Variants in SENP5 observed in about 807,000 individuals in gnomAD.
The protein encoded by SENP5 is SUMO specific peptidase 5.
In SENP5, 21 loss-of-function variants were observed where a neutral mutation model predicts 74.2. The ratio of observed to expected loss-of-function variants is 0.28; its 90% CI spans 0.20 to 0.41. The LOEUF (loss-of-function observed/expected upper bound fraction) is 0.41. Ranked by LOEUF, SENP5 falls within the 10% of genes least tolerant of loss-of-function variation. The pLI is 1.00. For synonymous variants in SENP5, 311 were observed against 312.7 expected (o/e 0.99, Z 0.06); for missense variants, 717 against 889.1 (o/e 0.81, Z 2.46).
intron 5 of SENP5, among the ~76,000 whole-genome samples, chr3:196,901,301 T>A (rs935782526): frequency 2.0e-5 from 3 of 151,968 alleles, no homozygotes; most frequent in African/African-American, 7.3e-5. Context: ...CACCTCCCCC[T>A]CCCAAAGTGC....
chr3:196,885,162 T>A lies in SENP5; in HGVS notation c.-20T>A, dbSNP rs974505292. 3.8e-6 allele frequency: 6 copies of A among 1,575,656 alleles called. No homozygotes were observed. The highest frequency in any genetic ancestry group is 5.2e-6 in the Non-Finnish European group (6 of 1,152,772). On this transcript the variant is annotated 5_prime_UTR_variant, in exon 2 of 10. Transcript: ENST00000323460. ...TCTCTTCTTTACAGCTGCATCCAGA[T>A]CTCATTATGCATCAGAAAAATGAAA...
intron 5 of SENP5, 38 bp from the exon 6 acceptor site, chr3:196,903,495 A>G (rs1714783004): frequency 6.7e-6 from 9 of 1,343,698 alleles, no homozygotes; most frequent in Non-Finnish European, 9.4e-6. Flanking sequence ...GGCACAGCCT[A>G]ATATAATCTG....
chr3:196,888,695 G>A, intron 2 of SENP5, among the ~76,000 whole-genome samples: 1 of 152,134 alleles, frequency 6.6e-6, no homozygotes, highest in East Asian at 1.9e-4. Flanking sequence ...ATATATGTGT[G>A]CATATGCATT....
chr3:196,881,842 T>C (rs1044863728), intron 1 of SENP5, among the ~76,000 whole-genome samples: 2 of 152,078 alleles, frequency 1.3e-5, no homozygotes, highest in Admixed American at 1.3e-4. Context: ...TAACACCCTG[T>C]TCTTTTTTTT....
Position 196,885,427 on chromosome 3 carries a change from C to A in SENP5, c.246C>A (p.Phe82Leu). The A allele has an allele frequency of 6.2e-7, 1 of 1,614,120 alleles. No homozygotes were observed. Among genetic ancestry groups the A allele is most frequent in the Non-Finnish European group, 8.5e-7 (1 of 1,180,028 alleles). Residue 82 changes from phenylalanine (F) to leucine (L), a missense_variant, in exon 2 of 10, where the codon TTC becomes TTA. By Grantham distance (22) the Phe-to-Leu change is conservative. Coordinates refer to ENST00000323460, the MANE Select transcript of SENP5 (RefSeq NM_152699.5). ...AACCCCTTTGTGCTAAGACCAAGTT[C>A]AATGTGGCTACTCAAAATGTTAGTA... ...KDEPLCAKTK[F>L]NVATQNVSTL...
Position 196,892,769 on chromosome 3 carries a change from TTTGA to T in SENP5, c.1513+6076_1513+6079del, listed in dbSNP as rs1293086535. Among the ~76,000 whole-genome samples, 35 of 152,228 alleles carry T rather than the reference TTTGA, an allele frequency of 2.3e-4. No homozygotes were observed. In the South Asian group the frequency reaches 4.6e-3, roughly 20 times the overall value. On this transcript the variant is annotated intron_variant, in intron 2 of 9. Coordinates refer to ENST00000323460, the MANE Select transcript of SENP5 (RefSeq NM_152699.5). ...ACCGTTGATTCTCTACGTCTATGAG[TTTGA>T]CTTTAGATTCCACATGTAAGTGAGA...
chr3:196,901,805 A>G (rs942614782), intron 5 of SENP5, among the ~76,000 whole-genome samples: 6 of 152,268 alleles, frequency 3.9e-5, no homozygotes, highest in African/African-American at 1.4e-4. Flanking sequence ...ATTAATTTCA[A>G]GGGTTTCATT....
intron 6 of SENP5, among the ~76,000 whole-genome samples, chr3:196,922,778 C>T (rs1715669921): frequency 2.6e-5 from 4 of 152,260 alleles, no homozygotes; most frequent in South Asian, 4.1e-4. Context: ...CACACCACCA[C>T]GCCCGGTTAG....
intron 1 of SENP5, among the ~76,000 whole-genome samples, chr3:196,868,571 T>G (rs1369065645): frequency 1.3e-5 from 2 of 152,202 alleles, no homozygotes; most frequent in African/African-American, 4.8e-5. Flanking sequence ...GGTATCAGCC[T>G]CCGCTCTACG....
At chr3:196,904,703 C>T (rs1006498053) in intron 6 of SENP5, among the ~76,000 whole-genome samples, 1 of 152,044 alleles carries the variant, frequency 6.6e-6, no homozygotes, top group African/African-American at 2.4e-5. Context: ...GTGGGAGAAT[C>T]GCTTGAACAT....
intron 7 of SENP5, among the ~76,000 whole-genome samples, chr3:196,926,287 G>C (rs1202465505): frequency 6.6e-6 from 1 of 151,990 alleles, no homozygotes; most frequent in Non-Finnish European, 1.5e-5. Flanking sequence ...ATAGAGACCA[G>C]CCTGGCCAAC....
At position 196,890,608 on chromosome 3, in the gene SENP5, C is replaced by T. The variant is rs376133765; in HGVS notation, c.1513+3914C>T. On this transcript the variant is annotated intron_variant, in intron 2 of 9. Coordinates refer to ENST00000323460, the MANE Select transcript of SENP5 (RefSeq NM_152699.5). ...AGGACAGCTGCAAAAGATTTGAGGGCGTGCGTGAAAGTCTAGGACTCTGCA... is the reference window on the plus strand; with the variant it reads ...AGGACAGCTGCAAAAGATTTGAGGGTGTGCGTGAAAGTCTAGGACTCTGCA... Among the ~76,000 whole-genome samples, 13 of 152,238 alleles carry T rather than the reference C, an allele frequency of 8.5e-5. No individual in the cohort carries two copies. In the East Asian group the frequency reaches 1.2e-3, roughly 14 times the overall value.
chr3:196,878,520 A>T (rs1446959829), intron 1 of SENP5, among the ~76,000 whole-genome samples: 1 of 152,126 alleles, frequency 6.6e-6, no homozygotes, highest in East Asian at 1.9e-4. Flanking sequence ...GCTGTTTCCC[A>T]TTCACCAAAA....
chr3:196,913,068 T>C (rs552725007), intron 6 of SENP5: 110 of 152,304 alleles, frequency 7.2e-4, no homozygotes, highest in African/African-American at 2.6e-3. Context: ...AGTTGCTAAA[T>C]ATGTGTAATA....
At chr3:196,883,492 G>A (rs1560141298) in intron 1 of SENP5, among the ~76,000 whole-genome samples, 1 of 152,094 alleles carries the variant, frequency 6.6e-6, no homozygotes, top group African/African-American at 2.4e-5. Flanking sequence ...TGATATACTG[G>A]ACTATCCTGG....
intron 2 of SENP5, among the ~76,000 whole-genome samples, chr3:196,889,732 G>A (rs572870949): frequency 6.1e-4 from 93 of 152,342 alleles, no homozygotes; most frequent in Admixed American, 2.6e-3. Flanking sequence ...TGAGGAGACA[G>A]TTTTGGTAGA....
At chr3:196,922,086 T>C (rs1371176925) in intron 6 of SENP5, among the ~76,000 whole-genome samples, 2 of 152,222 alleles carry the variant, frequency 1.3e-5, no homozygotes, top group South Asian at 2.1e-4. Context: ...TTATCAAAGA[T>C]GTTTTTCTCA....
At chr3:196,883,113 A>C (rs113830110) in intron 1 of SENP5, among the ~76,000 whole-genome samples, 1,850 of 150,542 alleles carry the variant, frequency 0.012, 29 homozygotes, top group Non-Finnish European at 0.022. Context: ...CAGACTTTCC[A>C]TTTTACTCTT....
chr3:196,875,661 A>G (rs1714546416), intron 1 of SENP5, among the ~76,000 whole-genome samples: 1 of 152,160 alleles, frequency 6.6e-6, no homozygotes, highest in Non-Finnish European at 1.5e-5. Context: ...TTCTTCAGAG[A>G]GGTGTTTCCT....
Sources: allele counts gnomAD v4.1 joint callset (sites outside exome capture counted in the v4.1 genomes callset), GRCh38; gene constraint gnomAD v4.1.1; transcripts MANE v1.5; gene names NCBI Gene and HGNC (gene_info 2026-07-23, HGNC 2026-07-21).